The following ABCA4 variants were observed in gnomAD, a reference collection of about 807,000 sequenced individuals.
The protein encoded by ABCA4 is retinal-specific phospholipid-transporting ATPase ABCA4.
In ABCA4, 196 loss-of-function variants were observed where a neutral mutation model predicts 263.7. The observed-to-expected ratio is 0.74, with a 90% CI of 0.66 to 0.84. ABCA4 has a LOEUF of 0.84. Among genes scored for constraint, ABCA4 ranks in the 40% least tolerant of loss-of-function variants. The pLI, the probability that ABCA4 is intolerant of heterozygous loss-of-function variation, is 0.00. For missense variants in ABCA4, 2,792 were observed against 2,855.1 expected (o/e 0.98, Z 0.50); for synonymous variants, 1,133 against 1,094.2 (o/e 1.04, Z -0.70).
chr1:94,117,598 A>T (rs1282100838), intron 1 of ABCA4, among the ~76,000 whole-genome samples: 1 of 152,122 alleles, frequency 6.6e-6, no homozygotes, highest in Non-Finnish European at 1.5e-5. Context: ...ACACGGGCAG[A>T]TGTATACTTG....
chr1:94,056,642 C>G lies in ABCA4; in HGVS notation c.2341G>C (p.Ala781Pro). Residue 781 changes from alanine (A) to proline (P), a missense_variant, in exon 15 of 50, where the codon GCC becomes CCC. Transcript: ENST00000370225. ...TLYLPHILCF[A>P]WQDRMTAELK... ...TCAGCGGTCATGCGGTCCTGCCAGG[C>G]GAAGCACAGGATGTGTGGCAGGTAG... is the stretch of plus-strand genomic sequence containing the variant. 1 of 1,613,802 alleles carries G rather than the reference C, an allele frequency of 6.2e-7. No individual in the cohort carries two copies. The highest frequency in any genetic ancestry group is 8.5e-7 in the Non-Finnish European group (1 of 1,180,042).
At chr1:94,085,828 C>A (rs890652082) in intron 6 of ABCA4, among the ~76,000 whole-genome samples, 2 of 152,168 alleles carry the variant, frequency 1.3e-5, no homozygotes, top group Admixed American at 6.5e-5. Flanking sequence ...TCTATTCCCC[C>A]CCATTCCTTC....
intron 11 of ABCA4, among the ~76,000 whole-genome samples, chr1:94,074,821 A>G (rs1661495247): frequency 6.6e-6 from 1 of 152,264 alleles, no homozygotes. Flanking sequence ...CAATCCCATT[A>G]CTGGGTATAT....
At chr1:94,064,990 C>G (rs1220542811) in intron 11 of ABCA4, among the ~76,000 whole-genome samples, 3 of 152,148 alleles carry the variant, frequency 2.0e-5, no homozygotes, top group Non-Finnish European at 4.4e-5. Flanking sequence ...CTTTAAGGAA[C>G]AGATTCATCC....
chr1:94,054,155 T>G (rs1467256656), intron 16 of ABCA4, among the ~76,000 whole-genome samples: 1 of 152,226 alleles, frequency 6.6e-6, no homozygotes, highest in Non-Finnish European at 1.5e-5. Context: ...AACAGCCAAT[T>G]TTCAGAAGCT....
chr1:93,997,766 G>A, intron 48 of ABCA4, 95 bp downstream of exon 48: 1 of 1,515,002 alleles, frequency 6.6e-7, no homozygotes, highest in Non-Finnish European at 9.1e-7. Flanking sequence ...TTAAAAATCG[G>A]GAATGTTATG....
At chr1:94,015,001 C>G (rs1436160001) in intron 37 of ABCA4, among the ~76,000 whole-genome samples, 1 of 152,216 alleles carries the variant, frequency 6.6e-6, no homozygotes, top group Admixed American at 6.5e-5. Flanking sequence ...ACACCTCCCA[C>G]TCTAGCCTGG....
chr1:94,112,947 T>C, intron 2 of ABCA4, 26 bp downstream of exon 2: 2 of 1,590,838 alleles, frequency 1.3e-6, no homozygotes, highest in Non-Finnish European at 8.6e-7. Context: ...CTTCAGGGCT[T>C]GCCCAAGCTA....
rs762632312 is a variant in ABCA4, at chr1:94,011,368, G to A, written c.5478C>T (p.Asn1826=). ...CAATGAGCAGCTTCCTCAGCACGGCGTTGAACCTGAGCAGCGTCTGAAACA... is the reference window on the plus strand; with the variant it reads ...CAATGAGCAGCTTCCTCAGCACGGCATTGAACCTGAGCAGCGTCTGAAACA... The part of the protein sequence containing the change: ...FENNRTLLRF[N]AVLRKLLIVF... The change falls in exon 39 of 50, where the codon AAC becomes AAT. Residue 1826 remains asparagine (N), a synonymous_variant. Transcript: ENST00000370225. 2.6e-5 allele frequency: 42 copies of A among 1,613,940 alleles called. No homozygotes were observed. The highest frequency in any genetic ancestry group is 6.7e-5 in the African/African-American group (5 of 74,920).
intron 11 of ABCA4, among the ~76,000 whole-genome samples, chr1:94,064,143 A>G (rs1661204962): frequency 6.6e-6 from 1 of 152,210 alleles, no homozygotes; most frequent in Admixed American, 6.5e-5. Context: ...AAGAAGTCAG[A>G]TGGTCTTGTC....
chr1:94,043,756 T>A (rs1383860346), intron 20 of ABCA4, among the ~76,000 whole-genome samples: 1 of 134,380 alleles, frequency 7.4e-6, no homozygotes, highest in Non-Finnish European at 1.6e-5. Context: ...ATATCTTATG[T>A]TTAAAAAAGC....
intron 49 of ABCA4, among the ~76,000 whole-genome samples, chr1:93,995,024 G>A (rs1283234851): frequency 6.6e-6 from 1 of 152,352 alleles, no homozygotes; most frequent in African/African-American, 2.4e-5. Flanking sequence ...TTCAACTGAT[G>A]TCAACAGCAA....
chr1:94,071,721 G>A (rs1458907749), intron 11 of ABCA4, among the ~76,000 whole-genome samples: 1 of 152,124 alleles, frequency 6.6e-6, no homozygotes, highest in Non-Finnish European at 1.5e-5. Context: ...TTACTATTTG[G>A]ACCTCCACCC....
At chr1:94,022,328 CT>C (rs1659926234) in intron 32 of ABCA4, among the ~76,000 whole-genome samples, 1 of 152,224 alleles carries the variant, frequency 6.6e-6, no homozygotes, top group Non-Finnish European at 1.5e-5. Context: ...GCACCTTTCC[CT>C]TTTGGGAGCA....
chr1:94,084,911 T>C (rs971812366), intron 6 of ABCA4, among the ~76,000 whole-genome samples: 2 of 152,182 alleles, frequency 1.3e-5, no homozygotes, highest in Non-Finnish European at 2.9e-5. Flanking sequence ...CAAAACTGTG[T>C]GTCGATAAGC....
intron 44 of ABCA4, among the ~76,000 whole-genome samples, chr1:94,003,612 T>A (rs12034084): frequency 0.26 from 40,196 of 151,866 alleles, 9,364 homozygotes; most frequent in African/African-American, 0.63. Flanking sequence ...CTGTACAGAG[T>A]TACTTTTATT....
intron 24 of ABCA4, among the ~76,000 whole-genome samples, chr1:94,038,134 GA>G (rs1400862863): frequency 6.6e-5 from 10 of 151,820 alleles, no homozygotes; most frequent in Non-Finnish European, 1.2e-4. Context: ...AGGAAATGCA[GA>G]GGGGGGGTTG....
chr1:94,009,666 C>A (rs1353552219), intron 40 of ABCA4, among the ~76,000 whole-genome samples: 2 of 152,234 alleles, frequency 1.3e-5, no homozygotes, highest in Non-Finnish European at 2.9e-5. Context: ...TTCTTTGAAA[C>A]CCTCCCTGAC....
At chr1:94,045,984 G>A in intron 19 of ABCA4, 2 of 455,820 alleles carry the variant, frequency 4.4e-6, no homozygotes, top group Non-Finnish European at 8.8e-6. Flanking sequence ...TCCGCGCAGA[G>A]CCCCTTTGCC....
Sources: gnomAD v4.1 joint callset for allele counts (sites outside exome capture counted in the v4.1 genomes callset) on GRCh38, gnomAD v4.1.1 for gene constraint, MANE v1.5 for transcripts, NCBI Gene and HGNC (gene_info 2026-07-23, HGNC 2026-07-21) for gene names.